The following CLASP1 variants were observed in gnomAD, a reference collection of about 807,000 sequenced individuals.
The protein encoded by CLASP1 is CLIP-associating protein 1.
In CLASP1, 38 loss-of-function variants were observed where a neutral mutation model predicts 192.3. The observed-to-expected ratio is 0.20, with a 90% CI of 0.15 to 0.26. CLASP1 has a LOEUF of 0.26. Among genes scored for constraint, CLASP1 ranks in the 10% least tolerant of loss-of-function variants. The pLI is 1.00. For missense variants in CLASP1, 1,433 were observed against 1,932.5 expected, an observed-to-expected ratio of 0.74 and a Z score of 4.85; for synonymous variants, 691 against 712.8, an observed-to-expected ratio of 0.97 and a Z score of 0.49.
chr2:121,413,638 G>C (rs1456125280), intron 23 of CLASP1, among the ~76,000 whole-genome samples: 1 of 152,120 alleles, frequency 6.6e-6, no homozygotes, highest in Non-Finnish European at 1.5e-5. Flanking sequence ...AAAACTTTGA[G>C]AACAATACAC....
rs766827731 is a variant in CLASP1, at chr2:121,397,324, G to C, written c.2980-41C>G. On this transcript the variant is annotated intron_variant, in intron 29 of 39. Coordinates refer to ENST00000263710, the Ensembl canonical transcript of CLASP1. The stretch of plus-strand genomic sequence containing the variant: ...ATTATAAACATTAAGTACACTTGAT[G>C]AATCTTTGAACACAATTCTTATCAG... 1.0e-5 allele frequency: 16 copies of C among 1,566,954 alleles called. No homozygotes were observed. In the East Asian group the frequency reaches 2.0e-4, roughly 20 times the overall value.
At chr2:121,582,662 A>G in intron 2 of CLASP1, among the ~76,000 whole-genome samples, 1 of 151,782 alleles carries the variant, frequency 6.6e-6, no homozygotes, top group Non-Finnish European at 1.5e-5. Flanking sequence ...AGAGAGGGAG[A>G]AAGTCTTCTT....
At chr2:121,461,178 C>G (rs1559293217) in exon 11 of CLASP1, 2 of 1,595,632 alleles carry the variant, frequency 1.3e-6, no homozygotes, top group African/African-American at 2.7e-5. Context: ...TCCTCAAGGT[C>G]TCGGCTGGAA....
intron 2 of CLASP1, among the ~76,000 whole-genome samples, chr2:121,587,664 C>T (rs1226657534): frequency 6.6e-6 from 1 of 151,602 alleles, no homozygotes; most frequent in African/African-American, 2.4e-5. Flanking sequence ...AACCCCATCT[C>T]TACCACAAAT....
intron 1 of CLASP1, among the ~76,000 whole-genome samples, chr2:121,630,390 ACAC>A (rs2069297432): frequency 1.4e-5 from 2 of 142,494 alleles, no homozygotes; most frequent in African/African-American, 5.3e-5. Context: ...AAACACACAC[ACAC>A]ACACACACAC....
intron 2 of CLASP1, among the ~76,000 whole-genome samples, chr2:121,591,347 A>G (rs570144057): frequency 5.3e-5 from 8 of 152,226 alleles, no homozygotes; most frequent in African/African-American, 1.4e-4. Context: ...GCACACTAAT[A>G]CCAAAAACCA....
intron 2 of CLASP1, among the ~76,000 whole-genome samples, chr2:121,564,430 A>G (rs548953845): frequency 6.6e-6 from 1 of 152,316 alleles, no homozygotes; most frequent in African/African-American, 2.4e-5. Context: ...ACCACTGAAG[A>G]AGAATTATCA....
intron 7 of CLASP1, among the ~76,000 whole-genome samples, chr2:121,514,751 T>C (rs2094240795): frequency 6.6e-6 from 1 of 152,196 alleles, no homozygotes; most frequent in African/African-American, 2.4e-5. Context: ...GACTCCTGTA[T>C]ATTTCAATAT....
intron 2 of CLASP1, among the ~76,000 whole-genome samples, chr2:121,585,524 G>T (rs2061619325): frequency 6.6e-6 from 1 of 152,026 alleles, no homozygotes; most frequent in South Asian, 2.1e-4. Context: ...CCTAAACAGG[G>T]TATATCTAAT....
rs186447983 is a variant in CLASP1, at chr2:121,530,966, C to T, written c.196-641G>A. On this transcript the variant is annotated intron_variant, in intron 2 of 39. Coordinates refer to ENST00000263710, the Ensembl canonical transcript of CLASP1. ...TAACGCCTGAACAACACACCCGCAT[C>T]AACTAGAGCTTTTGCTTTATTTTGG... 1,219 of 700,284 alleles carry T rather than the reference C, an allele frequency of 1.7e-3. 9 individuals carry two copies. The highest frequency in any genetic ancestry group is 1.1e-3 in the Non-Finnish European group (413 of 384,824). The allele number at this position is 700,284 out of a possible 1,614,324, so 43.4% of individuals were successfully genotyped here.
intron 8 of CLASP1, among the ~76,000 whole-genome samples, chr2:121,477,210 T>C (rs1218131284): frequency 6.6e-6 from 1 of 152,208 alleles, no homozygotes; most frequent in South Asian, 2.1e-4. Context: ...CCAGTAGACA[T>C]TCAGAAAAAT....
chr2:121,490,946 A>T (rs2093272855), intron 8 of CLASP1, among the ~76,000 whole-genome samples: 1 of 152,234 alleles, frequency 6.6e-6, no homozygotes, highest in Non-Finnish European at 1.5e-5. Flanking sequence ...AAGGATAAGC[A>T]TGGATAATAA....
chr2:121,430,162 C>G, exon 20 of CLASP1: 5 of 1,569,034 alleles, frequency 3.2e-6, no homozygotes, highest in Non-Finnish European at 4.3e-6. Flanking sequence ...GCTTTGCCGT[C>G]TTGTGCGGAT....
intron 9 of CLASP1, among the ~76,000 whole-genome samples, chr2:121,465,303 A>T (rs2089302878): frequency 6.6e-6 from 1 of 152,216 alleles, no homozygotes; most frequent in South Asian, 2.1e-4. Flanking sequence ...CCTCAAGCTG[A>T]TAAGCAAGTT....
intron 8 of CLASP1, among the ~76,000 whole-genome samples, chr2:121,493,856 T>A (rs1272875840): frequency 6.6e-6 from 1 of 152,188 alleles, no homozygotes; most frequent in Non-Finnish European, 1.5e-5. Context: ...GTGCTCAACA[T>A]CATTGATTAT....
At chr2:121,515,843 C>T in intron 6 of CLASP1, 81 bp from the exon 7 acceptor site, 1 of 1,064,194 alleles carries the variant, frequency 9.4e-7, no homozygotes, top group Non-Finnish European at 1.4e-6. Flanking sequence ...GGCCATATAC[C>T]ACCCCAATTT....
intron 1 of CLASP1, among the ~76,000 whole-genome samples, chr2:121,630,766 A>C (rs2069395582): frequency 1.3e-5 from 2 of 151,136 alleles, no homozygotes; most frequent in African/African-American, 4.9e-5. Context: ...CAAAAGGCTG[A>C]GGCAGGAGAA....
intron 8 of CLASP1, among the ~76,000 whole-genome samples, chr2:121,472,171 A>G (rs901168333): frequency 6.6e-6 from 1 of 152,232 alleles, no homozygotes; most frequent in Admixed American, 6.5e-5. Context: ...CATGTAAATT[A>G]TGTTTAGTTC....
chr2:121,409,045 C>A, intron 24 of CLASP1: 1 of 1,566,162 alleles, frequency 6.4e-7, no homozygotes, highest in South Asian at 1.2e-5. Flanking sequence ...AGTCTCCTAA[C>A]AGCTGTAGGC....
Sources: gnomAD v4.1 joint callset for allele counts (sites outside exome capture counted in the v4.1 genomes callset) on GRCh38, gnomAD v4.1.1 for gene constraint, MANE v1.5 for transcripts, NCBI Gene and HGNC (gene_info 2026-07-23, HGNC 2026-07-21) for gene names.